The following FANK1 variants were observed in gnomAD, a reference collection of about 807,000 sequenced individuals.
FANK1 encodes fibronectin type III and ankyrin repeat domains 1.
A neutral mutation model predicts 45.3 loss-of-function variants in FANK1; 44 were observed. That is an observed-to-expected ratio of 0.97 (90% CI 0.76 to 1.25). FANK1 has a LOEUF of 1.25. Ranked by LOEUF, FANK1 falls within the 50% of genes most tolerant of loss-of-function variation. FANK1 has a pLI of 0.00. For synonymous variants in FANK1, 149 were observed against 152.5 expected, an observed-to-expected ratio of 0.98 and a Z score of 0.17; for missense variants, 391 against 424.4, an observed-to-expected ratio of 0.92 and a Z score of 0.69.
chr10:126,004,783 T>C lies in FANK1; in HGVS notation c.540-101T>C, dbSNP rs907732785. The C allele has an allele frequency of 5.0e-6, 6 of 1,211,964 alleles. No individual in the cohort carries two copies. The African/African-American group carries it at 9.0e-5, about 18-fold the overall frequency. The allele number at this position is 1,211,964 out of a possible 1,614,324, so 75.1% of individuals were successfully genotyped here. On this transcript the variant is annotated intron_variant, in intron 6 of 10. Transcript: ENST00000368693. Reference sequence around the variant, plus strand: ...TGAACAGTTCCCATGGCTTTTCCACTCAAGTTAGGATTTCTTGGTTTAAGC... The same window carrying C: ...TGAACAGTTCCCATGGCTTTTCCACCCAAGTTAGGATTTCTTGGTTTAAGC...
At chr10:125,940,030 A>G (rs1021134080) in intron 1 of FANK1, among the ~76,000 whole-genome samples, 1 of 151,744 alleles carries the variant, frequency 6.6e-6, no homozygotes, top group African/African-American at 2.4e-5. Flanking sequence ...TCTTAATCTT[A>G]ATCCATTTAA....
At chr10:125,899,078 G>A (rs1323880975) in intron 1 of FANK1, among the ~76,000 whole-genome samples, 2 of 152,128 alleles carry the variant, frequency 1.3e-5, no homozygotes, top group East Asian at 3.9e-4. Context: ...TATTTATTTA[G>A]AGACAGAGTT....
intron 1 of FANK1, among the ~76,000 whole-genome samples, chr10:125,979,544 T>G (rs1951066007): frequency 6.6e-6 from 1 of 152,250 alleles, no homozygotes; most frequent in Non-Finnish European, 1.5e-5. Context: ...TGAAATTTCT[T>G]TTTCAGTTTC....
At chr10:125,953,914 A>G (rs188436129) in intron 1 of FANK1, among the ~76,000 whole-genome samples, 1 of 152,358 alleles carries the variant, frequency 6.6e-6, no homozygotes, top group East Asian at 1.9e-4. Flanking sequence ...TAAAGCTCAG[A>G]GTCGCAAAGA....
intron 1 of FANK1, among the ~76,000 whole-genome samples, chr10:125,930,841 A>G (rs1947704928): frequency 2.0e-5 from 3 of 151,996 alleles, no homozygotes; most frequent in Admixed American, 6.6e-5. Context: ...CCCTGCACCT[A>G]TTTGTAATAT....
chr10:125,992,389 C>T (rs536623619), intron 3 of FANK1, among the ~76,000 whole-genome samples: 2 of 152,086 alleles, frequency 1.3e-5, no homozygotes, highest in African/African-American at 2.4e-5. Flanking sequence ...TTGGTAGTAG[C>T]GTGAGGACGA....
At chr10:126,007,956 T>C (rs1023355654) in intron 7 of FANK1, among the ~76,000 whole-genome samples, 1 of 152,242 alleles carries the variant, frequency 6.6e-6, no homozygotes, top group Non-Finnish European at 1.5e-5. Context: ...ATGAATCTGG[T>C]TGTTCTGTAT....
chr10:125,915,109 C>T (rs1234487021), intron 1 of FANK1, among the ~76,000 whole-genome samples: 1 of 152,116 alleles, frequency 6.6e-6, no homozygotes, highest in African/African-American at 2.4e-5. Context: ...TGAGTCGGGG[C>T]CCAGTGTTGT....
intron 1 of FANK1, among the ~76,000 whole-genome samples, chr10:125,925,511 A>G (rs1233477209): frequency 6.6e-6 from 1 of 152,076 alleles, no homozygotes; most frequent in African/African-American, 2.4e-5. Context: ...CTGGGCTCAA[A>G]TGATCCTCCT....
chr10:125,905,013 C>G (rs1945368344), intron 1 of FANK1, among the ~76,000 whole-genome samples: 1 of 151,458 alleles, frequency 6.6e-6, no homozygotes, highest in Non-Finnish European at 1.5e-5. Context: ...CGCCTGTAGT[C>G]CCAGCTACCA....
intron 1 of FANK1, among the ~76,000 whole-genome samples, chr10:125,976,918 C>T (rs997297557): frequency 7.9e-5 from 12 of 152,098 alleles, no homozygotes; most frequent in Admixed American, 4.6e-4. Flanking sequence ...CTACTGTGCC[C>T]GGTCATAAAA....
At chr10:125,940,331 AAG>A (rs1253866329) in intron 1 of FANK1, among the ~76,000 whole-genome samples, 1 of 152,126 alleles carries the variant, frequency 6.6e-6, no homozygotes, top group African/African-American at 2.4e-5. Context: ...GGGAGAAAGC[AAG>A]AAAACATGTG....
intron 1 of FANK1, among the ~76,000 whole-genome samples, chr10:125,951,010 G>A (rs571594369): frequency 8.0e-4 from 116 of 145,182 alleles, no homozygotes; most frequent in East Asian, 3.3e-3. Flanking sequence ...ACCAAACACC[G>A]CATATTCTCA....
intron 3 of FANK1, among the ~76,000 whole-genome samples, chr10:125,993,520 G>A (rs10901499): frequency 6.6e-6 from 1 of 152,008 alleles, no homozygotes; most frequent in African/African-American, 2.4e-5. Flanking sequence ...TTCTTAGCAG[G>A]TTCCTTGGCC....
rs539704544 is a variant in FANK1 at position 125,950,555 on chromosome 10, A to C, written c.14-29606A>C. Among the ~76,000 whole-genome samples the C allele has an allele frequency of 6.8e-4, 104 of 152,252 alleles. No individual in the cohort carries two copies. In the South Asian group the frequency reaches 9.5e-3, roughly 14 times the overall value. Reference sequence around the variant, plus strand: ...TGGCCATCAGAGAAATGCAAATCAAAACCACAATGAGATACCATCTCACAC... The same window carrying C: ...TGGCCATCAGAGAAATGCAAATCAACACCACAATGAGATACCATCTCACAC... On this transcript the variant is annotated intron_variant, in intron 1 of 10. Transcript: ENST00000368693.
chr10:125,994,184 G>A (rs1952141428), intron 3 of FANK1, among the ~76,000 whole-genome samples: 1 of 151,246 alleles, frequency 6.6e-6, no homozygotes, highest in South Asian at 2.1e-4. Context: ...AAGAGGGAGG[G>A]TGGGTGAGCC....
chr10:126,001,646 G>A (rs1355452735), intron 6 of FANK1, among the ~76,000 whole-genome samples: 1 of 152,150 alleles, frequency 6.6e-6, no homozygotes, highest in East Asian at 1.9e-4. Context: ...AGACCCCATG[G>A]GTGCCAGGCA....
chr10:126,002,169 G>A (rs1012469830), intron 6 of FANK1, among the ~76,000 whole-genome samples: 8 of 151,904 alleles, frequency 5.3e-5, no homozygotes, highest in East Asian at 1.9e-4. Flanking sequence ...AAAATTAGCC[G>A]AGCATGGTGT....
intron 4 of FANK1, 137 bp from the exon 5 acceptor site, chr10:125,996,413 A>C (rs1331400784): frequency 4.3e-6 from 3 of 693,808 alleles, no homozygotes; most frequent in Non-Finnish European, 7.5e-6. Context: ...ACAAGAAAAG[A>C]TTTAATGGCC....
Sources: allele counts gnomAD v4.1 joint callset (sites outside exome capture counted in the v4.1 genomes callset), GRCh38; gene constraint gnomAD v4.1.1; transcripts MANE v1.5; gene names NCBI Gene and HGNC (gene_info 2026-07-23, HGNC 2026-07-21).